Variants in FYN observed in about 807,000 individuals in gnomAD.
The protein encoded by FYN is FYN proto-oncogene, Src family tyrosine kinase, also known as tyrosine-protein kinase Fyn.
Under a neutral mutation model 70.2 loss-of-function variants are expected in FYN, and 10 were observed. The observed-to-expected ratio is 0.14, with a 90% CI of 0.09 to 0.24. The LOEUF (loss-of-function observed/expected upper bound fraction) is 0.24. Ranked by LOEUF, FYN falls within the 10% of genes least tolerant of loss-of-function variation. The probability of loss-of-function intolerance (pLI) is 1.00; values close to 1 mark genes in which losing one functional copy is unlikely to be tolerated. For synonymous variants in FYN, 236 were observed against 248.6 expected, an observed-to-expected ratio of 0.95 and a Z score of 0.48; for missense variants, 319 against 673.1, an observed-to-expected ratio of 0.47 and a Z score of 5.82.
intron 3 of FYN, among the ~76,000 whole-genome samples, chr6:111,734,725 G>A (rs1052346752): frequency 9.9e-5 from 15 of 152,120 alleles, no homozygotes; most frequent in African/African-American, 2.7e-4. Context: ...AAGTTACTCC[G>A]AAATCACCAT....
intron 3 of FYN, among the ~76,000 whole-genome samples, chr6:111,757,610 C>T: frequency 6.6e-6 from 1 of 152,130 alleles, no homozygotes; most frequent in East Asian, 1.9e-4. Context: ...AAGTGGCCCT[C>T]CAAAATGGCA....
Position 111,871,835 on chromosome 6 carries a change from C to T in FYN, c.-123+1133G>A, listed in dbSNP as rs963302478. Among the ~76,000 whole-genome samples, 19 of 152,314 alleles carry T rather than the reference C, an allele frequency of 1.2e-4. No homozygotes were observed. The East Asian group carries it at 3.7e-3, about 29-fold the overall frequency. On this transcript the variant is annotated intron_variant, in intron 1 of 13. Transcript: ENST00000354650. The stretch of plus-strand genomic sequence containing the variant: ...ACTGTTCCCTTAAATCTAAGAAACA[C>T]TGCAGCTGCCAGTCAACACTACCGG...
chr6:111,703,759 A>G (rs2128446406), intron 7 of FYN, among the ~76,000 whole-genome samples: 2 of 152,326 alleles, frequency 1.3e-5, no homozygotes, highest in South Asian at 4.1e-4. Context: ...TGCCTGGAGC[A>G]GTGTAGCTGC....
At position 111,747,094 on chromosome 6, in the gene FYN, G is replaced by GT. The variant is rs555631468; in HGVS notation, c.-11-27033dup. Among the ~76,000 whole-genome samples the GT allele has an allele frequency of 7.9e-5, 12 of 152,260 alleles. 2 individuals carry two copies. In the East Asian group the frequency reaches 2.3e-3, roughly 29 times the overall value. On this transcript the variant is annotated intron_variant, in intron 3 of 13. Coordinates refer to ENST00000354650, the MANE Select transcript of FYN (RefSeq NM_002037.5). ...TACACATGGCCTGGGATTCTACATT[G>GT]TTTTTCCCTGTAACTGTCAATACTC... is the stretch of plus-strand genomic sequence containing the variant.
At chr6:111,821,087 C>T (rs530082801) in intron 2 of FYN, among the ~76,000 whole-genome samples, 5 of 152,192 alleles carry the variant, frequency 3.3e-5, no homozygotes, top group African/African-American at 1.2e-4. Flanking sequence ...TCATGTAATA[C>T]TTGATAAAGG....
chr6:111,744,427 A>G (rs137922443), intron 3 of FYN, among the ~76,000 whole-genome samples: 1,569 of 152,358 alleles, frequency 0.01, 13 homozygotes, highest in Non-Finnish European at 0.014. Context: ...TGGTTTATGC[A>G]GAAGACAAAA....
At chr6:111,822,476 G>A (rs1396481739) in intron 2 of FYN, among the ~76,000 whole-genome samples, 1 of 151,320 alleles carries the variant, frequency 6.6e-6, no homozygotes, top group African/African-American at 2.4e-5. Flanking sequence ...ACCTGGGCCT[G>A]TTGTGGGGTG....
intron 3 of FYN, among the ~76,000 whole-genome samples, chr6:111,748,533 G>T (rs759959984): frequency 4.6e-5 from 7 of 152,192 alleles, no homozygotes; most frequent in Non-Finnish European, 1.0e-4. Context: ...AGTACTCAGA[G>T]ACATTTTTGA....
intron 9 of FYN, chr6:111,699,654 C>T: frequency 3.1e-6 from 5 of 1,613,530 alleles, no homozygotes; most frequent in Middle Eastern, 1.6e-4. Flanking sequence ...AGTTAAAACA[C>T]AAACCATCAG....
At chr6:111,761,788 C>T (rs1015890927) in intron 3 of FYN, among the ~76,000 whole-genome samples, 1 of 152,174 alleles carries the variant, frequency 6.6e-6, no homozygotes, top group Non-Finnish European at 1.5e-5. Context: ...GGACGCTCTG[C>T]AGGGTTGTGA....
At chr6:111,794,612 A>C (rs926005992) in intron 2 of FYN, among the ~76,000 whole-genome samples, 3 of 152,182 alleles carry the variant, frequency 2.0e-5, no homozygotes, top group Non-Finnish European at 2.9e-5. Flanking sequence ...TACATTTTTA[A>C]ATGGTCACAA....
At chr6:111,843,860 G>T (rs1022285721) in intron 2 of FYN, among the ~76,000 whole-genome samples, 1 of 152,128 alleles carries the variant, frequency 6.6e-6, no homozygotes, top group Non-Finnish European at 1.5e-5. Flanking sequence ...CGGCCGTGGC[G>T]ATAGGGCAAC....
intron 2 of FYN, among the ~76,000 whole-genome samples, chr6:111,832,511 C>G (rs572786966): frequency 1.2e-4 from 18 of 152,284 alleles, no homozygotes; most frequent in African/African-American, 4.3e-4. Flanking sequence ...TTCTTCCTAT[C>G]CAATCTTCAC....
At chr6:111,762,070 T>C (rs956737744) in intron 3 of FYN, among the ~76,000 whole-genome samples, 1 of 152,214 alleles carries the variant, frequency 6.6e-6, no homozygotes, top group Non-Finnish European at 1.5e-5. Flanking sequence ...ATGCAAAATG[T>C]TCCTTTGGGT....
At chr6:111,715,744 C>G (rs1800609134) in intron 4 of FYN, among the ~76,000 whole-genome samples, 1 of 152,144 alleles carries the variant, frequency 6.6e-6, no homozygotes, top group African/African-American at 2.4e-5. Context: ...TATAGCCCAG[C>G]CAACGTACCT....
At position 111,873,118 on chromosome 6, in the gene FYN, G is replaced by A. The variant is rs1214634452; in HGVS notation, c.-273C>T. On this transcript the variant is annotated 5_prime_UTR_variant, in exon 1 of 14. Coordinates refer to ENST00000354650, the MANE Select transcript of FYN (RefSeq NM_002037.5). ...GAGGGGGCGGCGCCGGGGTGTCCCC[G>A]GCCCGGCGGCCGAATCCCTCCCTGG... The A allele has an allele frequency of 6.9e-6, 1 of 145,636 alleles. No individual in the cohort carries two copies. The highest frequency in any genetic ancestry group is 1.5e-5 in the Non-Finnish European group (1 of 65,490). 9.0% of individuals were successfully genotyped at this position (145,636 alleles called of 1,614,324 possible). A position where few individuals can be genotyped will look rare whatever the true frequency, so the allele number is the denominator to read the frequency against.
intron 3 of FYN, among the ~76,000 whole-genome samples, chr6:111,755,686 C>A (rs763008841): frequency 1.1e-4 from 17 of 152,164 alleles, no homozygotes; most frequent in Non-Finnish European, 2.4e-4. Flanking sequence ...CAGACCACAA[C>A]AGATTTTTTA....
intron 2 of FYN, among the ~76,000 whole-genome samples, chr6:111,810,446 GA>G (rs1206554691): frequency 6.6e-6 from 1 of 152,146 alleles, no homozygotes; most frequent in Non-Finnish European, 1.5e-5. Context: ...CTGCGGTATT[GA>G]AAGTGCAAAC....
At chr6:111,702,103 A>T (rs1666714050) in intron 8 of FYN, among the ~76,000 whole-genome samples, 1 of 152,226 alleles carries the variant, frequency 6.6e-6, no homozygotes, top group South Asian at 2.1e-4. Context: ...TAGGATATAG[A>T]CATGTGTCTA....
Sources: allele counts gnomAD v4.1 joint callset (sites outside exome capture counted in the v4.1 genomes callset), GRCh38; gene constraint gnomAD v4.1.1; transcripts MANE v1.5; gene names NCBI Gene and HGNC (gene_info 2026-07-23, HGNC 2026-07-21).